NTRK3: variants seen among roughly 807,000 people sequenced by gnomAD.
The protein encoded by NTRK3 is NT-3 growth factor receptor.
A neutral mutation model predicts 91.7 loss-of-function variants in NTRK3; 24 were observed. The ratio of observed to expected loss-of-function variants is 0.26; its 90% CI spans 0.19 to 0.37. The LOEUF is 0.37. Among genes scored for constraint, NTRK3 ranks in the 10% least tolerant of loss-of-function variants. The pLI is 1.00. For synonymous variants in NTRK3, 483 were observed against 404.0 expected (o/e 1.20, Z -2.34); for missense variants, 880 against 1,068.9 (o/e 0.82, Z 2.46).
intron 3 of NTRK3, among the ~76,000 whole-genome samples, chr15:88,193,415 T>C (rs1419740576): frequency 1.3e-5 from 2 of 152,066 alleles, no homozygotes; most frequent in Non-Finnish European, 2.9e-5. Flanking sequence ...CTCAGCTTGA[T>C]GTCCACTGTC....
At chr15:87,939,722 A>C (rs2069631630) in intron 15 of NTRK3, among the ~76,000 whole-genome samples, 1 of 152,196 alleles carries the variant, frequency 6.6e-6, no homozygotes, top group South Asian at 2.1e-4. Context: ...CACTGGCCTC[A>C]GAAGCCTGCT....
Position 87,999,649 on chromosome 15 carries a change from G to T in NTRK3, c.1585+33208C>A, listed in dbSNP as rs7175430. On this transcript the variant is annotated intron_variant, in intron 14 of 18. Coordinates refer to ENST00000394480, the Ensembl canonical transcript of NTRK3. ...TCACAAAAAGCTGCTGTGGATAGGG[G>T]CATGATAAGGAGCTGAGGACATGAC... Among the ~76,000 whole-genome samples, 424 of 152,286 alleles carry T rather than the reference G, an allele frequency of 2.8e-3. 2 individuals are homozygous for T. The highest frequency in any genetic ancestry group is 9.7e-3 in the African/African-American group (404 of 41,560).
chr15:88,188,229 G>T (rs2047103606), intron 3 of NTRK3, among the ~76,000 whole-genome samples: 1 of 152,224 alleles, frequency 6.6e-6, no homozygotes, highest in African/African-American at 2.4e-5. Context: ...GGAGGGAGGA[G>T]AAAGAGGGCA....
chr15:88,002,175 T>G (rs999639632), intron 14 of NTRK3, among the ~76,000 whole-genome samples: 63 of 144,436 alleles, frequency 4.4e-4, no homozygotes, highest in East Asian at 7.9e-4. Flanking sequence ...GTTGTTTTTT[T>G]TTTTTTTTTT....
intron 3 of NTRK3, among the ~76,000 whole-genome samples, chr15:88,244,121 C>T (rs965385112): frequency 6.6e-6 from 1 of 152,114 alleles, no homozygotes; most frequent in Non-Finnish European, 1.5e-5. Flanking sequence ...AACCATAGAG[C>T]GTTCAGTAGG....
At chr15:88,080,913 C>T (rs1194731014) in intron 13 of NTRK3, among the ~76,000 whole-genome samples, 1 of 152,056 alleles carries the variant, frequency 6.6e-6, no homozygotes, top group Non-Finnish European at 1.5e-5. Context: ...CCAGTCAAGG[C>T]CAAAAAAAAT....
intron 13 of NTRK3, among the ~76,000 whole-genome samples, chr15:88,113,311 C>CTTTTTTT (rs60232101): frequency 8.1e-5 from 9 of 111,658 alleles, no homozygotes; most frequent in African/African-American, 1.1e-4. Flanking sequence ...TGATCAATTT[C>CTTTTTTT]TTTTTTTTTT....
chr15:88,056,202 A>ATATTT (rs1404710645), intron 13 of NTRK3, among the ~76,000 whole-genome samples: 10 of 104,852 alleles, frequency 9.5e-5, no homozygotes, highest in African/African-American at 4.2e-4. Context: ...ATATATATAT[A>ATATTT]TTTTTTTTTT....
chr15:88,135,829 G>A (rs2041822995), intron 9 of NTRK3, 70 bp downstream of exon 9: 1 of 1,584,584 alleles, frequency 6.3e-7, no homozygotes. Context: ...ACAACACCTT[G>A]GCCCCTCTCC....
chr15:87,865,055 C>A (rs979293961), exon 19 of NTRK3: 1 of 214,436 alleles, frequency 4.7e-6, no homozygotes, highest in Non-Finnish European at 9.4e-6. Flanking sequence ...AAGATTGCCT[C>A]TGTATGAGGC....
intron 14 of NTRK3, among the ~76,000 whole-genome samples, chr15:87,961,690 G>A (rs1255664799): frequency 1.3e-5 from 2 of 152,246 alleles, no homozygotes; most frequent in Admixed American, 6.5e-5. Context: ...TTTCTGAGCT[G>A]CAGCAGGTCC....
chr15:87,929,360 T>C (rs2068593905), exon 17 of NTRK3: 1 of 1,614,024 alleles, frequency 6.2e-7, no homozygotes, highest in African/African-American at 1.3e-5. Context: ...GTGGAGCATT[T>C]GGGAGAGCCC....
At chr15:87,999,731 G>A (rs1392856354) in intron 14 of NTRK3, among the ~76,000 whole-genome samples, 1 of 152,132 alleles carries the variant, frequency 6.6e-6, no homozygotes, top group East Asian at 1.9e-4. Flanking sequence ...ATAGGCTCAT[G>A]GAATTCTGAA....
intron 3 of NTRK3, chr15:88,253,259 T>A (rs1025111324): frequency 1.2e-4 from 18 of 152,162 alleles, no homozygotes; most frequent in African/African-American, 4.1e-4. Flanking sequence ...AGGCACGGGC[T>A]TCAACTGAAG....
chr15:88,031,215 C>T (rs952329670), intron 14 of NTRK3, among the ~76,000 whole-genome samples: 1 of 152,140 alleles, frequency 6.6e-6, no homozygotes, highest in Admixed American at 6.5e-5. Context: ...TCGTGTCTTC[C>T]CTAGGAGCAA....
chr15:88,046,212 G>C (rs566459277), intron 13 of NTRK3, among the ~76,000 whole-genome samples: 4 of 152,150 alleles, frequency 2.6e-5, no homozygotes, highest in Non-Finnish European at 4.4e-5. Flanking sequence ...AGCTCCCCAG[G>C]AACTGTAGCA....
intron 3 of NTRK3, among the ~76,000 whole-genome samples, chr15:88,220,858 G>C (rs1182929526): frequency 6.6e-6 from 1 of 152,132 alleles, no homozygotes. Flanking sequence ...ATGGCAGAAA[G>C]GTCCCAAGAG....
intron 13 of NTRK3, among the ~76,000 whole-genome samples, chr15:88,042,847 C>T (rs1401749245): frequency 6.6e-6 from 1 of 152,182 alleles, no homozygotes; most frequent in African/African-American, 2.4e-5. Context: ...CAAGATCACA[C>T]AGTTAATAAA....
chr15:88,100,382 G>C (rs2050047545), intron 13 of NTRK3, among the ~76,000 whole-genome samples: 1 of 152,200 alleles, frequency 6.6e-6, no homozygotes, highest in Non-Finnish European at 1.5e-5. Flanking sequence ...GAAAATACTG[G>C]CTGGGGGGAA....
Sources: allele counts gnomAD v4.1 joint callset (sites outside exome capture counted in the v4.1 genomes callset), GRCh38; gene constraint gnomAD v4.1.1; transcripts MANE v1.5; gene names NCBI Gene and HGNC (gene_info 2026-07-23, HGNC 2026-07-21).